SRFBP1: variants seen among roughly 807,000 people sequenced by gnomAD.
SRFBP1 encodes the protein serum response factor binding protein 1.
Under a neutral mutation model 45.5 loss-of-function variants are expected in SRFBP1, and 47 were observed. The observed-to-expected ratio is 1.03, with a 90% confidence interval of 0.82 to 1.32. SRFBP1 has a LOEUF of 1.32. SRFBP1 is among the 40% of genes most tolerant of loss of function. The probability of loss-of-function intolerance (pLI) is 0.00; values close to 1 mark genes in which losing one functional copy is unlikely to be tolerated. For missense variants in SRFBP1, 621 were observed against 484.6 expected, an observed-to-expected ratio of 1.28 and a Z score of -2.64; for synonymous variants, 203 against 166.3, an observed-to-expected ratio of 1.22 and a Z score of -1.70.
chr5:121,968,149 C>T (rs1236956752), intron 1 of SRFBP1, among the ~76,000 whole-genome samples: 1 of 151,566 alleles, frequency 6.6e-6, no homozygotes, highest in East Asian at 1.9e-4. Flanking sequence ...TAGTAGTCTC[C>T]CTTTATCCAT....
At chr5:121,962,193 G>A in intron 1 of SRFBP1, 125 bp downstream of exon 1, 2 of 1,212,960 alleles carry the variant, frequency 1.6e-6, no homozygotes, top group Non-Finnish European at 2.4e-6. Context: ...GCCCAGGCGG[G>A]TTTCCCGCAA....
intron 1 of SRFBP1, among the ~76,000 whole-genome samples, chr5:121,962,609 T>G (rs1311295977): frequency 6.6e-6 from 1 of 152,246 alleles, no homozygotes; most frequent in African/African-American, 2.4e-5. Context: ...AATAAAGAGC[T>G]GTTTATACTT....
intron 4 of SRFBP1, among the ~76,000 whole-genome samples, chr5:121,997,729 A>G (rs1580515651): frequency 6.6e-6 from 1 of 151,930 alleles, no homozygotes. Context: ...TGAACAGGCA[A>G]CCTGCAAAAT....
At chr5:122,019,745 G>A (rs1561593936) in intron 5 of SRFBP1, among the ~76,000 whole-genome samples, 1 of 151,472 alleles carries the variant, frequency 6.6e-6, no homozygotes, top group African/African-American at 2.4e-5. Flanking sequence ...ATGTCTGAAA[G>A]CACAGTTTAT....
intron 3 of SRFBP1, among the ~76,000 whole-genome samples, chr5:121,987,514 A>G (rs1752541754): frequency 6.6e-6 from 1 of 152,204 alleles, no homozygotes; most frequent in African/African-American, 2.4e-5. Flanking sequence ...TCTCAACTGT[A>G]GAAAAGTGTG....
rs879356959 is a variant in SRFBP1 at position 122,057,641 on chromosome 5, TA to T, written n.312-17660del. 5.6e-3 allele frequency among the ~76,000 whole-genome samples: 807 copies of T among 142,986 alleles called. 2 individuals carry two copies. The highest frequency in any genetic ancestry group is 9.1e-3 in the African/African-American group (355 of 39,200). 93.8% of individuals were successfully genotyped at this position (142,986 alleles called of 152,430 possible). ...CACTCCTGGACTGCTCTCAGTTCTT[TA>T]AAAAAAAAAAAAATACTGATTTTGA... is the stretch of plus-strand genomic sequence containing the variant. On this transcript the variant is annotated intron_variant and non_coding_transcript_variant, in intron 2 of 2. Coordinates refer to the SRFBP1 transcript ENST00000504881.
At chr5:122,057,408 T>C (rs1754098830) in intron 2 of SRFBP1, among the ~76,000 whole-genome samples, 1 of 151,932 alleles carries the variant, frequency 6.6e-6, no homozygotes, top group Admixed American at 6.6e-5. Context: ...GAGAAACAAA[T>C]AGTCCAGCTC....
chr5:121,987,470 T>G (rs373525003), intron 3 of SRFBP1, among the ~76,000 whole-genome samples: 7 of 152,294 alleles, frequency 4.6e-5, no homozygotes, highest in African/African-American at 1.7e-4. Flanking sequence ...GAAATAAAGT[T>G]TTTGTTGTCA....
intron 3 of SRFBP1, among the ~76,000 whole-genome samples, chr5:121,985,126 CTA>C (rs1009861944): frequency 5.9e-5 from 9 of 151,714 alleles, no homozygotes; most frequent in Admixed American, 2.0e-4. Context: ...AGCTTAAAGT[CTA>C]ATGAGAAAAA....
chr5:122,034,024 A>C (rs1252328183), intron 2 of SRFBP1, among the ~76,000 whole-genome samples: 1 of 143,092 alleles, frequency 7.0e-6, no homozygotes, highest in Admixed American at 6.9e-5. Flanking sequence ...GTGTTTTGCC[A>C]TGTGGGCCAG....
intron 7 of SRFBP1, among the ~76,000 whole-genome samples, chr5:122,024,168 G>A (rs540542484): frequency 9.9e-5 from 15 of 152,254 alleles, no homozygotes; most frequent in African/African-American, 2.9e-4. Flanking sequence ...CCAGTAATAC[G>A]CTGATCTTTT....
At chr5:121,988,379 A>G (rs1463521891) in intron 3 of SRFBP1, among the ~76,000 whole-genome samples, 1 of 152,230 alleles carries the variant, frequency 6.6e-6, no homozygotes, top group African/African-American at 2.4e-5. Context: ...CACAGGACTC[A>G]TGAAAGGCTG....
intron 4 of SRFBP1, among the ~76,000 whole-genome samples, chr5:122,007,835 A>G (rs1753009850): frequency 6.6e-6 from 1 of 152,028 alleles, no homozygotes; most frequent in Admixed American, 6.6e-5. Flanking sequence ...AAGGGTGCCA[A>G]CCTGGTCATG....
intron 2 of SRFBP1, chr5:122,069,962 TAGC>T: frequency 1.1e-6 from 1 of 907,696 alleles, no homozygotes; most frequent in Non-Finnish European, 1.9e-6. Context: ...GCTGCTGTAG[TAGC>T]AGAAACAGAT....
chr5:121,995,513 CA>C (rs1752704692), intron 4 of SRFBP1, among the ~76,000 whole-genome samples: 2 of 151,994 alleles, frequency 1.3e-5, no homozygotes, highest in African/African-American at 4.8e-5. Flanking sequence ...ACATTCAAAG[CA>C]GTGTGTAGAG....
intron 2 of SRFBP1, among the ~76,000 whole-genome samples, chr5:122,034,991 G>T (rs74773296): frequency 6.6e-6 from 1 of 151,716 alleles, no homozygotes; most frequent in Non-Finnish European, 1.5e-5. Flanking sequence ...AGATGTATCT[G>T]TTTGTCTGGG....
At chr5:122,070,354 T>G in intron 2 of SRFBP1, 1 of 642,028 alleles carries the variant, frequency 1.6e-6, no homozygotes. Context: ...TAAGACAGAT[T>G]AGATTAGATT....
intron 2 of SRFBP1, among the ~76,000 whole-genome samples, chr5:122,054,514 G>A (rs1192548711): frequency 1.3e-5 from 2 of 152,182 alleles, no homozygotes; most frequent in Non-Finnish European, 1.5e-5. Context: ...TACATGAGCT[G>A]TTTGTAGTTT....
intron 6 of SRFBP1, 147 bp downstream of exon 6, chr5:122,020,949 G>A (rs915672874): frequency 2.8e-5 from 19 of 674,400 alleles, no homozygotes; most frequent in Non-Finnish European, 4.4e-5. Flanking sequence ...GGTTGTAGTG[G>A]GGTATTAGGT....
Sources: allele counts gnomAD v4.1 joint callset (sites outside exome capture counted in the v4.1 genomes callset), GRCh38; gene constraint gnomAD v4.1.1; transcripts MANE v1.5; gene names NCBI Gene and HGNC (gene_info 2026-07-23, HGNC 2026-07-21).